The following KCNC4 variants were observed in gnomAD, a reference collection of about 807,000 sequenced individuals.
KCNC4 encodes the protein voltage-gated potassium channel KCNC4.
KCNC4 carries 23 observed loss-of-function variants against 42.8 expected under a neutral mutation model. The ratio of observed to expected loss-of-function variants is 0.54; its 90% CI spans 0.39 to 0.76. The LOEUF is 0.76. Among genes scored for constraint, KCNC4 ranks in the 30% least tolerant of loss-of-function variants. The pLI, the probability that KCNC4 is intolerant of heterozygous loss-of-function variation, is 0.00. For synonymous variants in KCNC4, 422 were observed against 393.5 expected (o/e 1.07, Z -0.86); for missense variants, 751 against 898.2 (o/e 0.84, Z 2.10).
At chr1:110,248,934 GT>G (rs1308348749) in exon 4 of KCNC4, 3 of 152,210 alleles carry the variant, frequency 2.0e-5, no homozygotes, top group African/African-American at 7.2e-5. Context: ...AAGATGAGAC[GT>G]TTTCAGGATC....
At chr1:110,281,891 G>A (rs1259080729) in intron 1 of KCNC4, among the ~76,000 whole-genome samples, 1 of 152,194 alleles carries the variant, frequency 6.6e-6, no homozygotes, top group South Asian at 2.1e-4. Context: ...GCTGTCCCTA[G>A]ACCTGAAGAC....
rs1269625451 is a variant in KCNC4, at chr1:110,210,964, GC to G, written c.-534del. ...AGCCCGGGCCCACGGAGCTCCGGCTGCCGTGAGAGTGTCGGCCTGGCCCCGG... is the reference window on the plus strand; with the variant it reads ...AGCCCGGGCCCACGGAGCTCCGGCTGCGTGAGAGTGTCGGCCTGGCCCCGG... On this transcript the variant is annotated 5_prime_UTR_variant, in exon 1 of 4. It removes the in-frame stop codon of an upstream open reading frame in the 5' UTR. Transcript: ENST00000438661. 6.6e-6 allele frequency among the ~76,000 whole-genome samples: 1 copy of G among 152,164 alleles called. No homozygotes were observed. The highest frequency in any genetic ancestry group is 2.4e-5 in the African/African-American group (1 of 41,430).
intron 1 of KCNC4, among the ~76,000 whole-genome samples, chr1:110,260,464 C>A (rs1398886610): frequency 1.3e-5 from 2 of 152,220 alleles, no homozygotes; most frequent in Non-Finnish European, 2.9e-5. Flanking sequence ...ATAACTTTCA[C>A]AAAATGAACA....
chr1:110,260,537 TAA>T (rs1659406089), intron 1 of KCNC4, among the ~76,000 whole-genome samples: 1 of 152,168 alleles, frequency 6.6e-6, no homozygotes, highest in Non-Finnish European at 1.5e-5. Flanking sequence ...AGTAAAAGCA[TAA>T]AAAACAAAAA....
At chr1:110,258,791 A>G (rs1659378165) in intron 1 of KCNC4, among the ~76,000 whole-genome samples, 1 of 152,200 alleles carries the variant, frequency 6.6e-6, no homozygotes, top group African/African-American at 2.4e-5. Context: ...ATGAGGAGGC[A>G]TGGAGCAGAA....
intron 1 of KCNC4, among the ~76,000 whole-genome samples, chr1:110,266,511 A>T (rs1659542776): frequency 6.6e-6 from 1 of 152,198 alleles, no homozygotes; most frequent in South Asian, 2.1e-4. Context: ...TGCTCTAAGC[A>T]CTTTACATGG....
downstream of KCNC4, among the ~76,000 whole-genome samples, chr1:110,249,844 A>G (rs1166309831): frequency 1.3e-5 from 2 of 151,986 alleles, no homozygotes; most frequent in East Asian, 3.9e-4. Context: ...CATCTCCAGA[A>G]CTCTTTCTGT....
exon 4 of KCNC4, chr1:110,248,191 A>G (rs1252903305): frequency 6.6e-6 from 1 of 152,376 alleles, no homozygotes; most frequent in East Asian, 1.9e-4. Flanking sequence ...AACACTTGAA[A>G]TGTGGCTAGT....
chr1:110,278,694 C>T (rs946761920), intron 1 of KCNC4, among the ~76,000 whole-genome samples: 5 of 152,266 alleles, frequency 3.3e-5, no homozygotes, highest in Non-Finnish European at 5.9e-5. Context: ...TCTGTGCCTA[C>T]GTCCTGAACT....
intron 1 of KCNC4, among the ~76,000 whole-genome samples, chr1:110,261,753 A>T (rs931567952): frequency 4.6e-5 from 7 of 152,242 alleles, no homozygotes; most frequent in Non-Finnish European, 7.3e-5. Flanking sequence ...AGGTCTGTAA[A>T]ATATAACAGA....
At chr1:110,263,683 G>T (rs563349606) in intron 1 of KCNC4, among the ~76,000 whole-genome samples, 1 of 152,188 alleles carries the variant, frequency 6.6e-6, no homozygotes, top group Admixed American at 6.5e-5. Flanking sequence ...CTGATTGAGA[G>T]GTTCAAAAAT....
At chr1:110,240,536 C>T (rs1474199386) in exon 4 of KCNC4, 1 of 152,420 alleles carries the variant, frequency 6.6e-6, no homozygotes, top group African/African-American at 2.4e-5. Flanking sequence ...TCCTCCTTGC[C>T]TCAGCCCTGG....
chr1:110,210,515 AGGCGCCGG>A lies in KCNC4; in HGVS notation c.-980_-973del, dbSNP rs1430351563. On this transcript the variant is annotated 5_prime_UTR_variant, in exon 1 of 4. It removes the in-frame stop codon of an upstream open reading frame in the 5' UTR. Transcript: ENST00000438661. ...CCAGCGCCGCCAGATCGCAGGAACCAGGCGCCGGGGCGTTGCGCTGAGGCTCCCTCTCC... is the reference window on the plus strand; with the variant it reads ...CCAGCGCCGCCAGATCGCAGGAACCAGGCGTTGCGCTGAGGCTCCCTCTCC... Among the ~76,000 whole-genome samples, 1 of 151,180 alleles carries A rather than the reference AGGCGCCGG, an allele frequency of 6.6e-6. No homozygotes were observed. Among genetic ancestry groups the A allele is most frequent in the Non-Finnish European group, 1.5e-5 (1 of 67,730 alleles).
At position 110,240,282 on chromosome 1, in the gene KCNC4, C is replaced by T. The variant is rs571208054; in HGVS notation, c.*7973C>T. On this transcript the variant is annotated 3_prime_UTR_variant, in exon 4 of 4. Transcript: ENST00000369787. ...CCACTGACACCAAGGGCACCCTGAA[C>T]TCAGCTCAGACCCCAGGCTGCCCGG... is the stretch of plus-strand genomic sequence containing the variant. The T allele has an allele frequency of 7.2e-5, 11 of 152,446 alleles. No individual in the cohort carries two copies. The East Asian group carries it at 1.9e-3, about 27-fold the overall frequency. The allele number at this position is 152,446 out of a possible 1,614,324, so 9.4% of individuals were successfully genotyped here.
intron 1 of KCNC4, among the ~76,000 whole-genome samples, chr1:110,214,502 C>G (rs925211672): frequency 9.9e-5 from 15 of 152,186 alleles, no homozygotes; most frequent in Non-Finnish European, 2.1e-4. Flanking sequence ...CATTATTGAG[C>G]ACCCCAGACA....
At chr1:110,217,973 C>G (rs1366759230) in intron 1 of KCNC4, among the ~76,000 whole-genome samples, 1 of 152,202 alleles carries the variant, frequency 6.6e-6, no homozygotes, top group Non-Finnish European at 1.5e-5. Context: ...GTCCCTCACC[C>G]CATCCCCACA....
chr1:110,263,807 T>A (rs1476933961), intron 1 of KCNC4, among the ~76,000 whole-genome samples: 1 of 140,848 alleles, frequency 7.1e-6, no homozygotes, highest in Non-Finnish European at 1.5e-5. Context: ...AAACAATCTC[T>A]AGCAAGCTTT....
At chr1:110,266,018 G>C (rs1659534894) in intron 1 of KCNC4, among the ~76,000 whole-genome samples, 1 of 152,210 alleles carries the variant, frequency 6.6e-6, no homozygotes, top group African/African-American at 2.4e-5. Flanking sequence ...TAGAGAGCTA[G>C]GGACAGGGTG....
Position 110,210,972 on chromosome 1 carries a change from A to G in KCNC4, c.-528A>G, listed in dbSNP as rs1657407311. On this transcript the variant is annotated 5_prime_UTR_variant, in exon 1 of 4. Coordinates refer to ENST00000438661, the MANE Select transcript of KCNC4 (RefSeq NM_001039574.3). ...CCCACGGAGCTCCGGCTGCCGTGAG[A>G]GTGTCGGCCTGGCCCCGGCAGCCGC... 6.6e-6 allele frequency among the ~76,000 whole-genome samples: 1 copy of G among 151,990 alleles called. No individual in the cohort carries two copies. Among genetic ancestry groups the G allele is most frequent in the Non-Finnish European group, 1.5e-5 (1 of 67,982 alleles).
Sources: gnomAD v4.1 joint callset for allele counts (sites outside exome capture counted in the v4.1 genomes callset) on GRCh38, gnomAD v4.1.1 for gene constraint, MANE v1.5 for transcripts, NCBI Gene and HGNC (gene_info 2026-07-23, HGNC 2026-07-21) for gene names.